The following RERE variants were observed in gnomAD, a reference collection of about 807,000 sequenced individuals.
RERE encodes the protein arginine-glutamic acid dipeptide repeats protein.
RERE carries 40 observed loss-of-function variants against 146.1 expected under a neutral mutation model. The ratio of observed to expected loss-of-function variants is 0.27; its 90% CI spans 0.21 to 0.36. RERE has a LOEUF of 0.36. RERE is among the 10% of genes least tolerant of loss of function. RERE has a pLI of 1.00. For synonymous variants in RERE, 1,003 were observed against 866.0 expected, an observed-to-expected ratio of 1.16 and a Z score of -2.78; for missense variants, 1,933 against 2,138.7, an observed-to-expected ratio of 0.90 and a Z score of 1.90.
intron 10 of RERE, among the ~76,000 whole-genome samples, chr1:8,468,590 T>C (rs779808453): frequency 3.3e-5 from 5 of 152,138 alleles, no homozygotes; most frequent in Non-Finnish European, 5.9e-5. Flanking sequence ...ATGGGGTAAT[T>C]ATAAGAAAAG....
chr1:8,585,830 A>G (rs963166643), intron 4 of RERE, among the ~76,000 whole-genome samples: 2 of 152,254 alleles, frequency 1.3e-5, no homozygotes, highest in Non-Finnish European at 2.9e-5. Context: ...TAGATGACAG[A>G]CAACACTACC....
At chr1:8,522,961 G>A (rs1161932699) in intron 7 of RERE, among the ~76,000 whole-genome samples, 1 of 151,980 alleles carries the variant, frequency 6.6e-6, no homozygotes, top group African/African-American at 2.4e-5. Flanking sequence ...TGGATTGCTT[G>A]AGGCCAGAAG....
At chr1:8,746,822 A>G (rs1172353157) in intron 1 of RERE, among the ~76,000 whole-genome samples, 5 of 139,640 alleles carry the variant, frequency 3.6e-5, no homozygotes, top group African/African-American at 5.3e-5. Flanking sequence ...AGTGAGAGAG[A>G]AGGAGGGCAG....
intron 3 of RERE, among the ~76,000 whole-genome samples, chr1:8,623,009 C>A (rs2124222589): frequency 6.6e-6 from 1 of 152,318 alleles, no homozygotes; most frequent in South Asian, 2.1e-4. Context: ...ATTACGAATT[C>A]TCTAGGCCTA....
intron 11 of RERE, among the ~76,000 whole-genome samples, chr1:8,455,088 T>A (rs1260823487): frequency 6.6e-6 from 1 of 152,028 alleles, no homozygotes; most frequent in Admixed American, 6.5e-5. Flanking sequence ...CCCAGAGAGC[T>A]CAGGTGCCAG....
intron 11 of RERE, among the ~76,000 whole-genome samples, chr1:8,449,934 T>C (rs1454075625): frequency 6.6e-6 from 1 of 152,204 alleles, no homozygotes; most frequent in African/African-American, 2.4e-5. Context: ...GAGTCACTTT[T>C]ATAGCTATAC....
chr1:8,463,285 G>A (rs1644549711), intron 11 of RERE, among the ~76,000 whole-genome samples: 1 of 152,168 alleles, frequency 6.6e-6, no homozygotes, highest in Non-Finnish European at 1.5e-5. Flanking sequence ...CTCTACAAGG[G>A]CTGGATGGCT....
At position 8,383,578 on chromosome 1, in the gene RERE, G is replaced by A. The variant is rs1035252756; in HGVS notation, c.1285-17604C>T. 1.6e-4 allele frequency among the ~76,000 whole-genome samples: 24 copies of A among 152,080 alleles called. 1 individual carries two copies. On this transcript the variant is annotated intron_variant, in intron 12 of 22. Coordinates refer to ENST00000400908, the MANE Select transcript of RERE (RefSeq NM_001042681.2). ...CACTTATGTTACAATTTATGCCCAA[G>A]GGCCAGGTGCGGTGGCTCATACCTG...
At chr1:8,371,506 G>T (rs1642036149) in intron 12 of RERE, among the ~76,000 whole-genome samples, 1 of 152,028 alleles carries the variant, frequency 6.6e-6, no homozygotes, top group South Asian at 2.1e-4. Flanking sequence ...AGGAGAGAAG[G>T]AAAAAGCTAA....
intron 12 of RERE, among the ~76,000 whole-genome samples, chr1:8,420,310 AAGAG>A (rs1207932593): frequency 2.6e-5 from 4 of 152,012 alleles, no homozygotes; most frequent in South Asian, 2.1e-4. Flanking sequence ...GAGAGAGAGA[AAGAG>A]AGAGAGAATG....
chr1:8,446,713 C>T (rs535792926), intron 11 of RERE, among the ~76,000 whole-genome samples: 6 of 152,058 alleles, frequency 3.9e-5, no homozygotes, highest in South Asian at 2.1e-4. Flanking sequence ...CTCGCTCTGT[C>T]ACCCAGGCTG....
intron 12 of RERE, among the ~76,000 whole-genome samples, chr1:8,396,725 T>G (rs1159910297): frequency 6.6e-6 from 1 of 152,212 alleles, no homozygotes; most frequent in African/African-American, 2.4e-5. Context: ...CAGAGGCAGT[T>G]AATACATCTA....
At chr1:8,710,219 C>T (rs1217212517) in intron 1 of RERE, among the ~76,000 whole-genome samples, 1 of 152,248 alleles carries the variant, frequency 6.6e-6, no homozygotes, top group Non-Finnish European at 1.5e-5. Flanking sequence ...CACAGACACT[C>T]TCAATCCCAA....
intron 12 of RERE, among the ~76,000 whole-genome samples, chr1:8,387,507 A>G (rs552413536): frequency 7.2e-5 from 11 of 152,378 alleles, no homozygotes; most frequent in African/African-American, 2.6e-4. Context: ...TCTTTAACCA[A>G]TCATAAAAAG....
intron 1 of RERE, among the ~76,000 whole-genome samples, chr1:8,732,808 CTTTTTTTTTTTTT>C (rs59337140): frequency 4.6e-5 from 3 of 65,696 alleles, no homozygotes; most frequent in Admixed American, 2.7e-4. Flanking sequence ...TTCAATTTTT[CTTTTTTTTTTTTT>C]TTTTTTTTTT....
In RERE at chr1:8,360,416, G is replaced by A; in HGVS notation, c.3091C>T (p.Gln1031Ter). The A allele has an allele frequency of 1.5e-6, 2 of 1,366,918 alleles. No individual in the cohort carries two copies. The highest frequency in any genetic ancestry group is 2.8e-5 in the East Asian group (1 of 35,956). 84.7% of individuals were successfully genotyped at this position (1,366,918 alleles called of 1,614,324 possible). A position where few individuals can be genotyped will look rare whatever the true frequency, so the allele number is the denominator to read the frequency against. ...AAGGGGTGCTGAGCAAACGGGGGTT[G>A]GGGGGCCACCTGGTGGAGGCCTGTA... The part of the protein sequence containing the change: ...PPTGLHQVAP[Q>*]PPFAQHPFVP... The change falls in exon 18 of 23, where the codon CAA (glutamine) becomes TAA (stop). Residue 1031 changes from glutamine to a stop codon, truncating the protein, a stop_gained. Transcript: ENST00000400908. LOFTEE classifies it high-confidence loss of function.
rs71641062 is a variant in RERE at position 8,779,220 on chromosome 1, C to T, written c.-145+37940G>A. Among the ~76,000 whole-genome samples, 1,149 of 151,944 alleles carry T rather than the reference C, an allele frequency of 7.6e-3. 8 individuals are homozygous for T. The highest frequency in any genetic ancestry group is 0.013 in the Admixed American group (198 of 15,240). On this transcript the variant is annotated intron_variant, in intron 1 of 22. Transcript: ENST00000400908. ...GGAAATAATTGTAAATATGAGATGACATTTATCTGCTAGAATATAAGTTCC... is the reference window on the plus strand; with the variant it reads ...GGAAATAATTGTAAATATGAGATGATATTTATCTGCTAGAATATAAGTTCC...
chr1:8,550,720 G>T (rs1250389869), intron 6 of RERE, among the ~76,000 whole-genome samples: 1 of 152,094 alleles, frequency 6.6e-6, no homozygotes, highest in Non-Finnish European at 1.5e-5. Context: ...CTAATTTTTT[G>T]TATTTTTAGT....
At chr1:8,598,261 T>G (rs1646579212) in intron 4 of RERE, among the ~76,000 whole-genome samples, 1 of 152,100 alleles carries the variant, frequency 6.6e-6, no homozygotes, top group South Asian at 2.1e-4. Flanking sequence ...GGAACGAACA[T>G]ACGAGCTGTG....
Sources: gnomAD v4.1 joint callset for allele counts (sites outside exome capture counted in the v4.1 genomes callset) on GRCh38, gnomAD v4.1.1 for gene constraint, MANE v1.5 for transcripts, NCBI Gene and HGNC (gene_info 2026-07-23, HGNC 2026-07-21) for gene names.